Variants in METTL16 observed in about 807,000 individuals in gnomAD.
METTL16 encodes the protein methyltransferase 16, RNA N6-adenosine, also known as RNA N(6)-adenosine-methyltransferase METTL16.
In METTL16, 19 loss-of-function variants were observed where a neutral mutation model predicts 57.9. That is an observed-to-expected ratio of 0.33 (90% CI 0.23 to 0.48). METTL16 has a LOEUF of 0.48. METTL16 is among the 20% of genes least tolerant of loss of function. The pLI is 0.99. For missense variants in METTL16, 434 were observed against 691.5 expected (o/e 0.63, Z 4.18); for synonymous variants, 246 against 255.6 (o/e 0.96, Z 0.36).
At chr17:2,472,342 T>C (rs1197376458) in intron 4 of METTL16, among the ~76,000 whole-genome samples, 1 of 152,172 alleles carries the variant, frequency 6.6e-6, no homozygotes, top group Non-Finnish European at 1.5e-5. Flanking sequence ...CATCCATTGC[T>C]GCTGGGAGTG....
At chr17:2,443,142 C>A (rs966737697) in intron 6 of METTL16, among the ~76,000 whole-genome samples, 1 of 151,990 alleles carries the variant, frequency 6.6e-6, no homozygotes, top group Non-Finnish European at 1.5e-5. Context: ...GCGTGCGCCA[C>A]CACACCCGGC....
At chr17:2,505,340 A>G (rs926072408) in intron 1 of METTL16, among the ~76,000 whole-genome samples, 4 of 149,648 alleles carry the variant, frequency 2.7e-5, no homozygotes, top group Admixed American at 1.3e-4. Flanking sequence ...TACCTGCTAA[A>G]TACCTCTTAA....
At chr17:2,505,336 C>T (rs977435008) in intron 1 of METTL16, among the ~76,000 whole-genome samples, 1 of 147,188 alleles carries the variant, frequency 6.8e-6, no homozygotes, top group African/African-American at 2.5e-5. Context: ...GTTTTACCTG[C>T]TAAATACCTC....
At chr17:2,475,804 T>C (rs543593583) in intron 3 of METTL16, among the ~76,000 whole-genome samples, 1 of 152,328 alleles carries the variant, frequency 6.6e-6, no homozygotes, top group South Asian at 2.1e-4. Flanking sequence ...CTAATTAGAA[T>C]GGATGTGATT....
At chr17:2,435,698 G>T (rs562956588) in intron 8 of METTL16, among the ~76,000 whole-genome samples, 4 of 150,904 alleles carry the variant, frequency 2.7e-5, no homozygotes, top group African/African-American at 7.3e-5. Context: ...ACTCTGGCAG[G>T]GGGGAGTCTG....
intron 3 of METTL16, among the ~76,000 whole-genome samples, chr17:2,473,911 G>T (rs2067252134): frequency 6.6e-6 from 1 of 152,000 alleles, no homozygotes; most frequent in Non-Finnish European, 1.5e-5. Context: ...GCTATTTTTT[G>T]TATTTTCTGT....
chr17:2,470,811 G>A (rs571689539), intron 4 of METTL16, among the ~76,000 whole-genome samples: 1 of 152,222 alleles, frequency 6.6e-6, no homozygotes, highest in Admixed American at 6.5e-5. Flanking sequence ...AATTAAATAA[G>A]TAAATACCTT....
intron 4 of METTL16, among the ~76,000 whole-genome samples, chr17:2,472,443 T>G (rs979654854): frequency 8.5e-5 from 13 of 152,166 alleles, no homozygotes; most frequent in African/African-American, 2.7e-4. Context: ...TGCTTGGTAT[T>G]TACCTAAAGG....
At chr17:2,489,111 C>CTTT (rs11404983) in intron 2 of METTL16, among the ~76,000 whole-genome samples, 1 of 146,322 alleles carries the variant, frequency 6.8e-6, no homozygotes, top group Admixed American at 6.9e-5. Context: ...ACTTTTCATT[C>CTTT]TTTTTTTTTT....
intron 6 of METTL16, 69 bp downstream of exon 6, chr17:2,464,137 AAG>A (rs1172435960): frequency 6.7e-7 from 1 of 1,492,730 alleles, no homozygotes; most frequent in Non-Finnish European, 9.0e-7. Flanking sequence ...CACCAAAAAA[AAG>A]AGAACTACAT....
At chr17:2,480,987 G>A (rs746575038) in intron 2 of METTL16, among the ~76,000 whole-genome samples, 3 of 152,180 alleles carry the variant, frequency 2.0e-5, no homozygotes, top group Non-Finnish European at 4.4e-5. Context: ...TGGATCACTT[G>A]AGGTCAGGAG....
chr17:2,445,877 A>T (rs985251318), intron 6 of METTL16, among the ~76,000 whole-genome samples: 2 of 151,988 alleles, frequency 1.3e-5, no homozygotes, highest in Non-Finnish European at 2.9e-5. Context: ...AGTAAATTTA[A>T]TCCAGCAATA....
At chr17:2,492,484 C>A (rs908734279) in intron 2 of METTL16, among the ~76,000 whole-genome samples, 1 of 152,136 alleles carries the variant, frequency 6.6e-6, no homozygotes, top group Non-Finnish European at 1.5e-5. Flanking sequence ...AACTCAGTGT[C>A]CATAGAATGC....
intron 4 of METTL16, among the ~76,000 whole-genome samples, chr17:2,469,370 CT>C (rs1364364624): frequency 2.6e-5 from 4 of 152,102 alleles, no homozygotes; most frequent in Non-Finnish European, 4.4e-5. Context: ...ATGTTCAATA[CT>C]ATGAAGAAAA....
chr17:2,434,359 T>G (rs2066895138), intron 8 of METTL16, among the ~76,000 whole-genome samples: 1 of 152,094 alleles, frequency 6.6e-6, no homozygotes, highest in African/African-American at 2.4e-5. Context: ...GGATTACAGG[T>G]GTGCACCACC....
intron 4 of METTL16, among the ~76,000 whole-genome samples, chr17:2,471,837 G>C (rs2067237323): frequency 6.6e-6 from 1 of 152,024 alleles, no homozygotes; most frequent in Non-Finnish European, 1.5e-5. Context: ...GGCTTGGCTG[G>C]GGGCAGTAGC....
At chr17:2,495,295 C>T (rs1280341562) in intron 2 of METTL16, among the ~76,000 whole-genome samples, 1 of 152,060 alleles carries the variant, frequency 6.6e-6, no homozygotes, top group Admixed American at 6.6e-5. Context: ...TATACCACTG[C>T]ACTCTAGCCT....
chr17:2,485,048 C>T (rs1004471548), intron 2 of METTL16, among the ~76,000 whole-genome samples: 4 of 152,120 alleles, frequency 2.6e-5, no homozygotes, highest in African/African-American at 4.8e-5. Context: ...GGACTTGTGC[C>T]GCACAGCAGG....
At chr17:2,466,579 G>A (rs1451237654) in intron 5 of METTL16, among the ~76,000 whole-genome samples, 2 of 151,980 alleles carry the variant, frequency 1.3e-5, no homozygotes, top group African/African-American at 4.8e-5. Flanking sequence ...AGGACTCCTC[G>A]GTATCTGAGG....
Sources: gnomAD v4.1 joint callset for allele counts (sites outside exome capture counted in the v4.1 genomes callset) on GRCh38, gnomAD v4.1.1 for gene constraint, MANE v1.5 for transcripts, NCBI Gene and HGNC (gene_info 2026-07-23, HGNC 2026-07-21) for gene names.